The following RFWD3 variants were observed in gnomAD, a reference collection of about 807,000 sequenced individuals.
RFWD3 encodes the protein E3 ubiquitin-protein ligase RFWD3.
Under a neutral mutation model 87.7 loss-of-function variants are expected in RFWD3, and 65 were observed. That is an observed-to-expected ratio of 0.74 (90% CI 0.61 to 0.91). The LOEUF (loss-of-function observed/expected upper bound fraction) is 0.91, where lower values mean the gene tolerates loss of function less well. Among genes scored for constraint, RFWD3 ranks in the 40% least tolerant of loss-of-function variants. RFWD3 has a pLI of 0.00. For missense variants in RFWD3, 1,078 were observed against 938.5 expected, an observed-to-expected ratio of 1.15 and a Z score of -1.94; for synonymous variants, 433 against 352.8, an observed-to-expected ratio of 1.23 and a Z score of -2.55.
Position 74,630,768 on chromosome 16 carries a change from A to G in RFWD3, c.1754+13T>C. On this transcript the variant is annotated intron_variant, in intron 10 of 12. Transcript: ENST00000361070. ...AGCTGCTACCACCAGGAAAAGAGTG[A>G]GTGGCTCCCTACCTGGCTTTCTGAG... is the stretch of plus-strand genomic sequence containing the variant. 1.3e-6 allele frequency: 2 copies of G among 1,582,862 alleles called. No homozygotes were observed. Among genetic ancestry groups the G allele is most frequent in the Middle Eastern group, 1.7e-4 (1 of 5,852 alleles).
intron 2 of RFWD3, 175 bp downstream of exon 2, chr16:74,660,757 C>T: frequency 1.6e-6 from 1 of 642,222 alleles, no homozygotes; most frequent in East Asian, 2.7e-5. Context: ...TTTAACTTAT[C>T]CCTTCATTAC....
At position 74,623,905 on chromosome 16, in the gene RFWD3, C is replaced by T. The variant is rs773516896; in HGVS notation, c.*23G>A. ...CAAACAACATCTAACCAGCAGCATG[C>T]CTTCAAGGTTTCGAGACCACAGTCA... On this transcript the variant is annotated 3_prime_UTR_variant, in exon 13 of 13. Transcript: ENST00000361070. 3.7e-6 allele frequency: 6 copies of T among 1,612,868 alleles called. No homozygotes were observed. In the East Asian group the frequency reaches 8.9e-5, roughly 24 times the overall value.
intron 1 of RFWD3, among the ~76,000 whole-genome samples, chr16:74,665,041 G>A (rs1416494401): frequency 6.6e-6 from 1 of 152,198 alleles, no homozygotes; most frequent in Admixed American, 6.5e-5. Flanking sequence ...TGCTTAAAAT[G>A]TCAACCTCAG....
At chr16:74,629,438 C>G (rs1959025045) in intron 10 of RFWD3, among the ~76,000 whole-genome samples, 1 of 152,204 alleles carries the variant, frequency 6.6e-6, no homozygotes, top group Non-Finnish European at 1.5e-5. Flanking sequence ...GTGGGAGAAT[C>G]ACTTGAGGTC....
At chr16:74,647,563 C>T (rs1960246082) in intron 4 of RFWD3, among the ~76,000 whole-genome samples, 1 of 151,016 alleles carries the variant, frequency 6.6e-6, no homozygotes, top group Non-Finnish European at 1.5e-5. Flanking sequence ...GCTGGGATTA[C>T]AGGTGTGAGC....
intron 10 of RFWD3, 129 bp from the exon 11 acceptor site, chr16:74,628,795 A>G (rs1959010221): frequency 2.9e-6 from 2 of 698,022 alleles, no homozygotes; most frequent in Admixed American, 2.7e-5. Context: ...CTATCCTCTG[A>G]TATCTGATAA....
intron 2 of RFWD3, among the ~76,000 whole-genome samples, chr16:74,656,308 C>CAAAAAAAAAAAAAAAAA: frequency 1.6e-5 from 1 of 64,222 alleles, no homozygotes; most frequent in Non-Finnish European, 2.7e-5. Context: ...CTTGTCTTGC[C>CAAAAAAAAAAAAAAAAA]AAAAAAAAAA....
At chr16:74,625,582 ATTGACTTG>A (rs1415905075) in intron 12 of RFWD3, among the ~76,000 whole-genome samples, 5 of 151,142 alleles carry the variant, frequency 3.3e-5, no homozygotes, top group South Asian at 2.1e-4. Flanking sequence ...TTCTTCTGCC[ATTGACTTG>A]TTGTGGAAGC....
rs549758408 is a variant in RFWD3 at position 74,628,673 on chromosome 16, G to A, written c.1755-7C>T. ...CAGGGAGACCAGTGGGCATCTGAAA[G>A]GAAAGTAAGGAAACTGTATCTCACA... is the stretch of plus-strand genomic sequence containing the variant. On this transcript the variant is annotated splice_region_variant and splice_polypyrimidine_tract_variant and intron_variant, in intron 10 of 12. Coordinates refer to ENST00000361070, the MANE Select transcript of RFWD3 (RefSeq NM_018124.4). The A allele has an allele frequency of 2.5e-6, 4 of 1,613,652 alleles. No homozygotes were observed. The South Asian group carries it at 4.4e-5, about 18-fold the overall frequency.
intron 8 of RFWD3, among the ~76,000 whole-genome samples, chr16:74,635,312 A>T (rs980530396): frequency 4.0e-5 from 6 of 151,802 alleles, no homozygotes; most frequent in South Asian, 2.1e-4. Flanking sequence ...AAAATAAAAA[A>T]AAAAATTAAC....
intron 2 of RFWD3, 29 bp from the exon 3 acceptor site, chr16:74,652,151 T>C (rs1446073251): frequency 1.5e-5 from 24 of 1,587,824 alleles, no homozygotes; most frequent in Non-Finnish European, 1.8e-5. Context: ...AACGGAATTA[T>C]AGTACAATGA....
chr16:74,636,247 G>T, intron 8 of RFWD3, 99 bp downstream of exon 8: 1 of 1,060,482 alleles, frequency 9.4e-7, no homozygotes, highest in Non-Finnish European at 1.4e-6. Context: ...AGGGAAAGGT[G>T]ATTTGGTAAC....
At chr16:74,634,247 G>C (rs1360475119) in intron 8 of RFWD3, among the ~76,000 whole-genome samples, 2 of 152,104 alleles carry the variant, frequency 1.3e-5, no homozygotes, top group Admixed American at 6.5e-5. Flanking sequence ...AAATGAAACA[G>C]ATGACATTTC....
chr16:74,653,560 C>G (rs1960733435), intron 2 of RFWD3, among the ~76,000 whole-genome samples: 1 of 151,832 alleles, frequency 6.6e-6, no homozygotes, highest in Admixed American at 6.6e-5. Context: ...CGCCTATAAT[C>G]CCAGCACTCT....
At chr16:74,636,611 T>C in intron 7 of RFWD3, 34 bp from the exon 8 acceptor site, 1 of 1,489,640 alleles carries the variant, frequency 6.7e-7, no homozygotes, top group Middle Eastern at 2.2e-4. Flanking sequence ...ATACAAAGCT[T>C]TTTAATTTGA....
At position 74,626,495 on chromosome 16, in the gene RFWD3, T is replaced by C; in HGVS notation, c.2029A>G (p.Thr677Ala). 3 of 1,614,174 alleles carry C rather than the reference T, an allele frequency of 1.9e-6. No homozygotes were observed. The highest frequency in any genetic ancestry group is 2.5e-6 in the Non-Finnish European group (3 of 1,180,018). ...LMEMSYRLDD[T>A]GNPICSCQPV... is the part of the protein sequence containing the mutation. ...TGGCAGGAGCAGATTGGATTTCCAG[T>C]GTCATCCAGTCGGTAGGACATTTCC... The change falls in exon 12 of 13, where the codon ACT becomes GCT. Residue 677 changes from threonine (T) to alanine (A), a missense_variant. Physicochemically the swap from Thr to Ala is moderately conservative, Grantham distance 58 (BLOSUM62 0). Coordinates refer to ENST00000361070, the MANE Select transcript of RFWD3 (RefSeq NM_018124.4).
intron 4 of RFWD3, among the ~76,000 whole-genome samples, chr16:74,648,929 A>G (rs1381433802): frequency 2.0e-5 from 3 of 151,958 alleles, no homozygotes; most frequent in Admixed American, 2.0e-4. Context: ...CAAAAAATAA[A>G]AAATGTAGCC....
rs544324816 is a variant in RFWD3 at position 74,636,519 on chromosome 16, T to G, written c.1253A>C (p.Gln418Pro). The change falls in exon 8 of 13, where the codon CAA (glutamine) becomes CCA (proline). Residue 418 changes from glutamine to proline, a missense_variant. By Grantham distance (76) the Gln-to-Pro change is moderately conservative (BLOSUM62 -1). Coordinates refer to ENST00000361070, the MANE Select transcript of RFWD3 (RefSeq NM_018124.4). ...SQNLQQPRGS[Q>P]AWVLSCSPSS... is the part of the protein sequence containing the mutation. ...GGGTGAGCAGCTCAGGACCCATGCT[T>G]GGGAGCCCCTGGGTTGCTGTAAATT... is the stretch of plus-strand genomic sequence containing the variant. The G allele has an allele frequency of 1.5e-5, 24 of 1,614,042 alleles. No homozygotes were observed. In the African/African-American group the frequency reaches 3.2e-4, roughly 22 times the overall value.
intron 11 of RFWD3, among the ~76,000 whole-genome samples, 179 bp downstream of exon 11, chr16:74,628,273 G>C (rs928921894): frequency 1.3e-5 from 2 of 152,198 alleles, no homozygotes; most frequent in Non-Finnish European, 2.9e-5. Context: ...GGAGCAGGGA[G>C]GCAGGCTCTG....
Sources: gnomAD v4.1 joint callset for allele counts (sites outside exome capture counted in the v4.1 genomes callset) on GRCh38, gnomAD v4.1.1 for gene constraint, MANE v1.5 for transcripts, NCBI Gene and HGNC (gene_info 2026-07-23, HGNC 2026-07-21) for gene names.